RBFOX1: variants seen among roughly 807,000 people sequenced by gnomAD.
RBFOX1 encodes RNA binding fox-1 homolog 1.
Under a neutral mutation model 57.7 loss-of-function variants are expected in RBFOX1, and 8 were observed. That is an observed-to-expected ratio of 0.14 (90% CI 0.08 to 0.25). RBFOX1 has a LOEUF of 0.25. Among genes scored for constraint, RBFOX1 ranks in the 10% least tolerant of loss-of-function variants. The pLI is 1.00. For missense variants in RBFOX1, 611 were observed against 548.5 expected (o/e 1.11, Z -1.14); for synonymous variants, 326 against 222.4 (o/e 1.47, Z -4.15).
At chr16:6,448,516 T>C (rs1313128077) in intron 2 of RBFOX1, among the ~76,000 whole-genome samples, 1 of 152,176 alleles carries the variant, frequency 6.6e-6, no homozygotes, top group East Asian at 1.9e-4. Flanking sequence ...ATTTTAGGTA[T>C]GGACATTTCT....
At chr16:7,469,590 T>G (rs2061183377) in intron 4 of RBFOX1, among the ~76,000 whole-genome samples, 1 of 152,234 alleles carries the variant, frequency 6.6e-6, no homozygotes, top group African/African-American at 2.4e-5. Flanking sequence ...TGAAAAGTTG[T>G]GATATAGCCC....
intron 1 of RBFOX1, among the ~76,000 whole-genome samples, chr16:6,227,370 T>C (rs1385828699): frequency 3.3e-5 from 5 of 152,026 alleles, no homozygotes; most frequent in African/African-American, 1.2e-4. Context: ...TCAGAAAGAG[T>C]GTTTTCTCTT....
intron 1 of RBFOX1, among the ~76,000 whole-genome samples, chr16:5,319,205 T>G (rs920512642): frequency 5.9e-5 from 9 of 152,158 alleles, no homozygotes; most frequent in African/African-American, 1.9e-4. Flanking sequence ...GGTCAGAGAT[T>G]CGAAGCATAA....
Position 6,963,179 on chromosome 16 carries a change from A to AT in RBFOX1, c.-15-88870dup, listed in dbSNP as rs1034533310. ...GTTGCCACCCAAGCCTAGCACTGCT[A>AT]TTTTTTTTCGGAGTCCGTCATGCCA... On this transcript the variant is annotated intron_variant, in intron 3 of 15. Transcript: ENST00000550418. Among the ~76,000 whole-genome samples the AT allele has an allele frequency of 6.6e-5, 10 of 151,544 alleles. 1 individual carries two copies. The highest frequency in any genetic ancestry group is 2.1e-4 in the South Asian group (1 of 4,798).
chr16:6,708,680 C>A (rs1347093441), intron 3 of RBFOX1, among the ~76,000 whole-genome samples: 2 of 152,198 alleles, frequency 1.3e-5, no homozygotes, highest in Admixed American at 6.5e-5. Flanking sequence ...ATTAATCAAA[C>A]ATTCAATAAA....
intron 3 of RBFOX1, among the ~76,000 whole-genome samples, chr16:5,627,621 G>A: frequency 6.6e-6 from 1 of 151,852 alleles, no homozygotes; most frequent in Non-Finnish European, 1.5e-5. Flanking sequence ...ACTAAGAAGG[G>A]GATTGATACC....
At chr16:5,975,822 T>C (rs1358169181) in intron 4 of RBFOX1, among the ~76,000 whole-genome samples, 2 of 152,228 alleles carry the variant, frequency 1.3e-5, no homozygotes, top group Non-Finnish European at 2.9e-5. Flanking sequence ...GCTCGACATA[T>C]AGTAATAACT....
intron 15 of RBFOX1, chr16:7,709,648 GCA>G (rs1425953794): frequency 1.3e-6 from 2 of 1,524,790 alleles, no homozygotes; most frequent in South Asian, 1.2e-5. Flanking sequence ...ATAGAGAGGG[GCA>G]CACTTTGTGT....
intron 3 of RBFOX1, among the ~76,000 whole-genome samples, chr16:5,644,733 T>C (rs2048991954): frequency 6.6e-6 from 1 of 152,242 alleles, no homozygotes; most frequent in African/African-American, 2.4e-5. Flanking sequence ...AGCCCAGGTA[T>C]GGCTGAATAA....
At chr16:5,906,832 T>A (rs1162586131) in intron 4 of RBFOX1, among the ~76,000 whole-genome samples, 1 of 135,788 alleles carries the variant, frequency 7.4e-6, no homozygotes, top group Non-Finnish European at 1.5e-5. Context: ...CCTCTCGGGG[T>A]CAAGCAATTC....
intron 4 of RBFOX1, among the ~76,000 whole-genome samples, chr16:7,057,121 C>A (rs899132247): frequency 6.6e-6 from 1 of 151,964 alleles, no homozygotes; most frequent in Non-Finnish European, 1.5e-5. Flanking sequence ...TCTCTTCCTC[C>A]TAGAAATACC....
At chr16:6,172,885 G>A (rs987758036) in intron 1 of RBFOX1, among the ~76,000 whole-genome samples, 1 of 152,124 alleles carries the variant, frequency 6.6e-6, no homozygotes, top group African/African-American at 2.4e-5. Flanking sequence ...GTCTCACAGT[G>A]CGGGCAGAGC....
At chr16:5,262,497 A>T (rs2062759321) in intron 1 of RBFOX1, among the ~76,000 whole-genome samples, 1 of 152,058 alleles carries the variant, frequency 6.6e-6, no homozygotes, top group African/African-American at 2.4e-5. Context: ...TTAGATGTGG[A>T]CTCGAGTTGG....
In RBFOX1 at chr16:5,947,612, C is replaced by T. The variant is rs1435390392; in HGVS notation, c.351+80277C>T. ...TGCTGGGATTACATGCATGATCCAC[C>T]ATGTCTTGACCCTTCGATTTTAGGT... On this transcript the variant is annotated intron_variant, in intron 4 of 19. Transcript: ENST00000641259. This position sits in a 1 kb window ranked among gnomAD's most constrained non-coding sequence, Gnocchi z 7.2. Among the ~76,000 whole-genome samples, 1 of 152,198 alleles carries T rather than the reference C, an allele frequency of 6.6e-6. No homozygotes were observed. The highest frequency in any genetic ancestry group is 2.4e-5 in the African/African-American group (1 of 41,460).
intron 3 of RBFOX1, among the ~76,000 whole-genome samples, chr16:6,897,377 G>A (rs561466021): frequency 5.7e-4 from 86 of 150,904 alleles, no homozygotes; most frequent in African/African-American, 1.9e-3. Context: ...CACTCCAGCC[G>A]GGGTGACAGA....
At chr16:5,321,260 G>A (rs531665521) in intron 1 of RBFOX1, among the ~76,000 whole-genome samples, 4 of 152,028 alleles carry the variant, frequency 2.6e-5, no homozygotes, top group African/African-American at 9.7e-5. Context: ...GGGTGGGAGT[G>A]AGAAGCAAAA....
intron 1 of RBFOX1, among the ~76,000 whole-genome samples, chr16:6,110,652 T>C (rs2096435421): frequency 6.6e-6 from 1 of 152,118 alleles, no homozygotes; most frequent in East Asian, 1.9e-4. Flanking sequence ...ACGAGTGGCA[T>C]GAAATAGGAA....
At chr16:5,897,303 G>A (rs2058192188) in intron 4 of RBFOX1, among the ~76,000 whole-genome samples, 5 of 152,084 alleles carry the variant, frequency 3.3e-5, no homozygotes, top group South Asian at 2.1e-4. Context: ...CCAAAGTGCT[G>A]GGATTACAGG....
intron 4 of RBFOX1, among the ~76,000 whole-genome samples, chr16:7,120,456 A>C (rs1378192324): frequency 1.3e-5 from 2 of 152,046 alleles, no homozygotes; most frequent in Non-Finnish European, 2.9e-5. Flanking sequence ...AGATGACAAA[A>C]ATTACAAACA....
Sources: allele counts gnomAD v4.1 joint callset (sites outside exome capture counted in the v4.1 genomes callset), GRCh38; gene constraint gnomAD v4.1.1; non-coding constraint Gnocchi (gnomAD v3.1); transcripts MANE v1.5; gene names NCBI Gene and HGNC (gene_info 2026-07-23, HGNC 2026-07-21).